The following OMD variants were observed in gnomAD, a reference collection of about 807,000 sequenced individuals.
OMD encodes osteomodulin, also known as KSPG osteomodulin.
A neutral mutation model predicts 31.2 loss-of-function variants in OMD; 19 were observed. That is an observed-to-expected ratio of 0.61 (90% CI 0.42 to 0.89). The LOEUF is 0.89. Ranked by LOEUF, OMD falls within the 40% of genes least tolerant of loss-of-function variation. The pLI is 0.00. For synonymous variants in OMD, 155 were observed against 166.4 expected, an observed-to-expected ratio of 0.93 and a Z score of 0.53; for missense variants, 448 against 490.8, an observed-to-expected ratio of 0.91 and a Z score of 0.82.
rs10992331 is a variant in OMD, at chr9:92,420,137, T to C, written c.-16-2563A>G. Among the ~76,000 whole-genome samples the C allele has an allele frequency of 7.9e-5, 12 of 152,298 alleles. No homozygotes were observed. In the East Asian group the frequency reaches 2.3e-3, roughly 29 times the overall value. On this transcript the variant is annotated intron_variant, in intron 1 of 2. Coordinates refer to ENST00000375550, the MANE Select transcript of OMD (RefSeq NM_005014.3). The stretch of plus-strand genomic sequence containing the variant: ...CGCATCCTGGGTTTTGTCTTTTCTA[T>C]TACTGGAACCCTTCATACTCTTCAT...
intron 1 of OMD, among the ~76,000 whole-genome samples, chr9:92,423,243 A>G (rs562222259): frequency 1.3e-5 from 2 of 152,262 alleles, no homozygotes; most frequent in South Asian, 4.1e-4. Flanking sequence ...TGTGAAAAAG[A>G]ATGTTTGGAG....
chr9:92,424,125 A>T (rs1270999525), intron 1 of OMD, 77 bp downstream of exon 1: 1 of 152,212 alleles, frequency 6.6e-6, no homozygotes, highest in East Asian at 1.9e-4. Context: ...TTTTAATATT[A>T]AAAAATCCAA....
rs1418226993 is a variant in OMD, at chr9:92,417,597, C to T, written c.-16-23G>A. Reference sequence around the variant, plus strand: ...TTCCTATTGCAAGGAGAAAAGGAAACATTGTGGAGAAAGTGAGTAAACTCA... The same window carrying T: ...TTCCTATTGCAAGGAGAAAAGGAAATATTGTGGAGAAAGTGAGTAAACTCA... On this transcript the variant is annotated intron_variant, in intron 1 of 2. Transcript: ENST00000375550. The T allele has an allele frequency of 5.4e-6, 7 of 1,288,276 alleles. No individual in the cohort carries two copies. In the South Asian group the frequency reaches 5.7e-5, roughly 11 times the overall value. 79.8% of individuals were successfully genotyped at this position (1,288,276 alleles called of 1,614,324 possible).
Position 92,415,295 on chromosome 9 carries a change from G to T in OMD, c.1123C>A (p.Leu375Ile), listed in dbSNP as rs564277730. The T allele has an allele frequency of 6.2e-7, 1 of 1,613,648 alleles. No individual in the cohort carries two copies. Among genetic ancestry groups the T allele is most frequent in the Admixed American group, 1.7e-5 (1 of 59,992 alleles). The change falls in exon 3 of 3, where the codon CTA (leucine) becomes ATA (isoleucine). Residue 375 changes from leucine to isoleucine, a missense_variant. By Grantham distance (5) the Leu-to-Ile change is conservative. Transcript: ENST00000375550. Reference protein sequence around the residue: ...QRSTNGQTIQLKTQVFRRFPD... With the variant: ...QRSTNGQTIQIKTQVFRRFPD... ...AATCTCCTGAAAACTTGTGTCTTTA[G>T]TTGTATTGTTTGACCATTAGTGCTT...
intron 1 of OMD, among the ~76,000 whole-genome samples, chr9:92,419,076 A>G (rs993426382): frequency 5.9e-5 from 9 of 152,232 alleles, no homozygotes; most frequent in African/African-American, 2.2e-4. Context: ...GGAGGAGGAT[A>G]TTGTGTGGAA....
intron 1 of OMD, 132 bp downstream of exon 1, chr9:92,424,070 A>G (rs1221638393): frequency 6.6e-6 from 1 of 152,204 alleles, no homozygotes; most frequent in African/African-American, 2.4e-5. Context: ...CTTTTTTACC[A>G]GATTTTGCTT....
rs765805155 is a variant in OMD, at chr9:92,416,996, AAGTT to A, written c.559_562del (p.Asn187Ter). On this transcript the variant is annotated frameshift_variant, in exon 2 of 3. Transcript: ENST00000375550. LOFTEE classifies it high-confidence loss of function. ...ATTATAACAGAGATCAAGCATGGTCAAGTTTACTAGCCCATCCATAGCATTTGTC... is the reference window on the plus strand; with the variant it reads ...ATTATAACAGAGATCAAGCATGGTCATACTAGCCCATCCATAGCATTTGTC... 2.0e-5 allele frequency: 32 copies of A among 1,613,886 alleles called. No individual in the cohort carries two copies. Among genetic ancestry groups the A allele is most frequent in the Non-Finnish European group, 2.5e-5 (29 of 1,179,926 alleles).
rs1843873125 is a variant in OMD at position 92,423,412 on chromosome 9, T to C, written c.-17+790A>G. Among the ~76,000 whole-genome samples the C allele has an allele frequency of 1.3e-5, 2 of 152,152 alleles. 1 individual carries two copies. The highest frequency in any genetic ancestry group is 3.8e-4 in the East Asian group (2 of 5,196). On this transcript the variant is annotated intron_variant, in intron 1 of 2. Transcript: ENST00000375550. ...TTACTAATGAGGTATAATTTACTTG[T>C]TCAGGAAAAGTTTAAAGTAAAATCC...
chr9:92,416,082 A>T (rs1843597620), intron 2 of OMD, among the ~76,000 whole-genome samples: 1 of 141,558 alleles, frequency 7.1e-6, no homozygotes, highest in Admixed American at 7.2e-5. Context: ...TTATTTATTT[A>T]TTTATTTATT....
In OMD at chr9:92,415,227, G is replaced by A. The variant is rs1843554543; in HGVS notation, c.1191C>T (p.Asp397=). 1 of 1,613,728 alleles carries A rather than the reference G, an allele frequency of 6.2e-7. No individual in the cohort carries two copies. The highest frequency in any genetic ancestry group is 8.5e-7 in the Non-Finnish European group (1 of 1,179,774). Residue 397 remains aspartate (D), a synonymous_variant, in exon 3 of 3, where the codon GAC becomes GAT. Coordinates refer to ENST00000375550, the MANE Select transcript of OMD (RefSeq NM_005014.3). Reference sequence around the variant, plus strand: ...CTTGTTCTGGGCTCTCATGAGCATTGTCAGGATCATCGTGATCTTCACTTT... The same window carrying A: ...CTTGTTCTGGGCTCTCATGAGCATTATCAGGATCATCGTGATCTTCACTTT... ...DDESEDHDDP[D]NAHESPEQEG...
At chr9:92,416,380 C>T (rs1374152300) in intron 2 of OMD, among the ~76,000 whole-genome samples, 1 of 152,040 alleles carries the variant, frequency 6.6e-6, no homozygotes, top group Non-Finnish European at 1.5e-5. Context: ...GCTCTGATTA[C>T]AGGCATGAGC....
chr9:92,412,931 G>A lies in OMD; in HGVS notation c.*2221C>T, dbSNP rs1843484197. 6.6e-6 allele frequency among the ~76,000 whole-genome samples: 1 copy of A among 150,552 alleles called. No individual in the cohort carries two copies. The highest frequency in any genetic ancestry group is 2.5e-5 in the African/African-American group (1 of 40,810). ...TGAACATGTGTGTTCAGTTCTATTG[G>A]GTATATAGTTAGGAATGGAATCGCT... On this transcript the variant is annotated 3_prime_UTR_variant, in exon 3 of 3. Coordinates refer to ENST00000375550, the MANE Select transcript of OMD (RefSeq NM_005014.3).
chr9:92,416,058 G>GTATATATA (rs1554760078), intron 2 of OMD, among the ~76,000 whole-genome samples: 9 of 130,930 alleles, frequency 6.9e-5, no homozygotes, highest in African/African-American at 2.5e-4. Context: ...ATATATGTGT[G>GTATATATA]TATATATATA....
Position 92,416,742 on chromosome 9 carries a change from G to C in OMD, c.817C>G (p.Pro273Ala). Residue 273 changes from proline to alanine, a missense_variant, in exon 2 of 3, where the codon CCA becomes GCA. Coordinates refer to ENST00000375550, the MANE Select transcript of OMD (RefSeq NM_005014.3). ...RMSHNKLQDI[P>A]YNIFNLPNIV... ...TTGGGAAGATTAAAAATATTATATGGGATGTCTTGTAGTTTGTTGTGTGAC... is the reference window on the plus strand; with the variant it reads ...TTGGGAAGATTAAAAATATTATATGCGATGTCTTGTAGTTTGTTGTGTGAC... The C allele has an allele frequency of 6.2e-7, 1 of 1,613,280 alleles. No individual in the cohort carries two copies. Among genetic ancestry groups the C allele is most frequent in the Non-Finnish European group, 8.5e-7 (1 of 1,179,350 alleles).
In OMD at chr9:92,416,805, A is replaced by G. The variant is rs146940499; in HGVS notation, c.754T>C (p.Tyr252His). The change falls in exon 2 of 3, where the codon TAC becomes CAC. Residue 252 changes from tyrosine to histidine, a missense_variant. By Grantham distance (83) the Tyr-to-His change is moderately conservative (BLOSUM62 2). Transcript: ENST00000375550. ...NNSISSIPEK[Y>H]FDKLPKLHTL... is the part of the protein sequence containing the mutation. ...TGAAGTTTTGGAAGTTTGTCGAAGT[A>G]TTTTTCGGGTATAGAAGAAATTGAA... 8.2e-5 allele frequency: 132 copies of G among 1,613,902 alleles called. 1 individual carries two copies. The East Asian group carries it at 2.8e-3, about 34-fold the overall frequency.
In OMD at chr9:92,416,103, A is replaced by T. The variant is rs867766373; in HGVS notation, c.940+516T>A. Among the ~76,000 whole-genome samples, 730 of 128,346 alleles carry T rather than the reference A, an allele frequency of 5.7e-3. 6 individuals carry two copies. Among genetic ancestry groups the T allele is most frequent in the African/African-American group, 0.014 (516 of 35,878 alleles). 84.2% of individuals were successfully genotyped at this position (128,346 alleles called of 152,430 possible). On this transcript the variant is annotated intron_variant, in intron 2 of 2. Coordinates refer to ENST00000375550, the MANE Select transcript of OMD (RefSeq NM_005014.3). ...ATTTATTTATTTATTTATTTATTTT[A>T]TTTTTTTTTTTTTTAAGACAGAGTT...
At chr9:92,416,536 G>A (rs1007336243) in intron 2 of OMD, 83 bp downstream of exon 2, 1 of 895,152 alleles carries the variant, frequency 1.1e-6, no homozygotes, top group Non-Finnish European at 1.7e-6. Flanking sequence ...AATGTCTAAA[G>A]CATAGCTTAT....
At chr9:92,415,507 G>T in intron 2 of OMD, 30 bp from the exon 3 acceptor site, 1 of 1,289,806 alleles carries the variant, frequency 7.8e-7, no homozygotes, top group Non-Finnish European at 1.1e-6. Context: ...AATTAATCTT[G>T]TATTATAGTA....
At chr9:92,421,711 T>C (rs1279583111) in intron 1 of OMD, among the ~76,000 whole-genome samples, 1 of 152,242 alleles carries the variant, frequency 6.6e-6, no homozygotes, top group Admixed American at 6.5e-5. Flanking sequence ...GATGAGGCAC[T>C]ATGCTAAGTT....
Sources: gnomAD v4.1 joint callset for allele counts (sites outside exome capture counted in the v4.1 genomes callset) on GRCh38, gnomAD v4.1.1 for gene constraint, MANE v1.5 for transcripts, NCBI Gene and HGNC (gene_info 2026-07-23, HGNC 2026-07-21) for gene names.